Variants in VPS13A observed in about 807,000 individuals in gnomAD.
The protein encoded by VPS13A is vacuolar protein sorting 13 homolog A, also known as intermembrane lipid transfer protein VPS13A.
A neutral mutation model predicts 390.9 loss-of-function variants in VPS13A; 264 were observed. The ratio of observed to expected loss-of-function variants is 0.68; its 90% CI spans 0.61 to 0.75. The LOEUF is 0.75. VPS13A is among the 30% of genes least tolerant of loss of function. The pLI is 0.00. For synonymous variants in VPS13A, 1,231 were observed against 1,227.1 expected (o/e 1.00, Z -0.07); for missense variants, 3,409 against 3,733.9 (o/e 0.91, Z 2.27).
intron 17 of VPS13A, among the ~76,000 whole-genome samples, chr9:77,233,450 G>T (rs187140629): frequency 2.8e-4 from 42 of 152,008 alleles, no homozygotes; most frequent in Admixed American, 2.0e-3. Context: ...TGAGCTTTGG[G>T]TTTAATTTGC....
Position 77,212,951 on chromosome 9 carries a change from G to GT in VPS13A, c.556-10dup, listed in dbSNP as rs767393485. On this transcript the variant is annotated splice_polypyrimidine_tract_variant and intron_variant, in intron 7 of 71. Coordinates refer to ENST00000360280, the MANE Select transcript of VPS13A (RefSeq NM_033305.3). ...ATGGAATGACCTTTTTACTGCCATT[G>GT]TTTTTTTTCCTTTTCAGACAACTGA... 138 of 1,612,252 alleles carry GT rather than the reference G, an allele frequency of 8.6e-5. 1 individual carries two copies. Among genetic ancestry groups the GT allele is most frequent in the Non-Finnish European group, 1.1e-4 (127 of 1,178,916 alleles).
chr9:77,376,132 A>C (rs982910659), intron 67 of VPS13A, among the ~76,000 whole-genome samples: 3 of 152,220 alleles, frequency 2.0e-5, no homozygotes, highest in African/African-American at 7.2e-5. Context: ...TGTCCCAGGC[A>C]GAAGGAACAG....
intron 67 of VPS13A, among the ~76,000 whole-genome samples, chr9:77,379,221 C>T (rs1323212142): frequency 8.0e-5 from 12 of 150,022 alleles, no homozygotes; most frequent in Non-Finnish European, 1.6e-4. Context: ...TACAGGCACA[C>T]ACCACCATAC....
At chr9:77,186,533 G>A (rs548002505) in intron 1 of VPS13A, among the ~76,000 whole-genome samples, 12 of 152,136 alleles carry the variant, frequency 7.9e-5, no homozygotes, top group Admixed American at 6.5e-4. Context: ...TGCCTCCTGG[G>A]TTCAAGCGAT....
At chr9:77,391,477 G>C (rs1043718857) in intron 68 of VPS13A, among the ~76,000 whole-genome samples, 28 of 151,562 alleles carry the variant, frequency 1.8e-4, no homozygotes, top group African/African-American at 6.0e-4. Flanking sequence ...CATGTTTTTT[G>C]GTGTTTTGTT....
chr9:77,337,593 T>A lies in VPS13A; in HGVS notation c.6378+56T>A, dbSNP rs1830605709. On this transcript the variant is annotated intron_variant, in intron 47 of 71. Coordinates refer to ENST00000360280, the MANE Select transcript of VPS13A (RefSeq NM_033305.3). ...TTTTTGATTTTGTAGTTTCAGTTTT[T>A]TAAGATTAAGATCAATAAAAACTAT... 4.6e-6 allele frequency: 7 copies of A among 1,533,088 alleles called. No homozygotes were observed. In the East Asian group the frequency reaches 1.6e-4, roughly 35 times the overall value. 95.0% of individuals were successfully genotyped at this position (1,533,088 alleles called of 1,614,324 possible).
chr9:77,238,602 T>C (rs1210942604), intron 19 of VPS13A, among the ~76,000 whole-genome samples: 2 of 152,168 alleles, frequency 1.3e-5, no homozygotes, highest in Non-Finnish European at 2.9e-5. Flanking sequence ...GTAACCACAT[T>C]TAAGTTAGTT....
intron 23 of VPS13A, among the ~76,000 whole-genome samples, chr9:77,272,338 A>G (rs1306021176): frequency 6.6e-6 from 1 of 152,202 alleles, no homozygotes; most frequent in Non-Finnish European, 1.5e-5. Context: ...AGGTGAACAT[A>G]TATAATTTTA....
intron 33 of VPS13A, among the ~76,000 whole-genome samples, chr9:77,301,213 A>G (rs940487156): frequency 2.0e-5 from 3 of 152,206 alleles, no homozygotes; most frequent in Non-Finnish European, 2.9e-5. Context: ...GATATATAAA[A>G]TACAAGTATT....
chr9:77,366,004 G>A (rs1285437105), intron 60 of VPS13A, among the ~76,000 whole-genome samples: 1 of 152,052 alleles, frequency 6.6e-6, no homozygotes, highest in Non-Finnish European at 1.5e-5. Context: ...CATATATGTA[G>A]AGTATATATG....
intron 23 of VPS13A, among the ~76,000 whole-genome samples, chr9:77,260,576 C>T (rs1318357271): frequency 6.6e-6 from 1 of 151,698 alleles, no homozygotes. Flanking sequence ...AGGATGGTCT[C>T]GGTCTCCTGG....
At chr9:77,220,968 G>C (rs185847945) in intron 12 of VPS13A, among the ~76,000 whole-genome samples, 2 of 152,134 alleles carry the variant, frequency 1.3e-5, no homozygotes, top group East Asian at 1.9e-4. Flanking sequence ...TAACAAAATG[G>C]AGTGATTTTG....
chr9:77,383,742 ATTTATT>A (rs972932436), intron 68 of VPS13A, among the ~76,000 whole-genome samples: 1 of 151,930 alleles, frequency 6.6e-6, no homozygotes, highest in Non-Finnish European at 1.5e-5. Context: ...AAAGATACAT[ATTTATT>A]TTTAATAGGT....
chr9:77,206,533 G>A (rs141211631), intron 5 of VPS13A, among the ~76,000 whole-genome samples: 1 of 151,594 alleles, frequency 6.6e-6, no homozygotes, highest in Non-Finnish European at 1.5e-5. Context: ...TTACCCTCTG[G>A]CTTCACATAT....
chr9:77,253,936 CTTTTTTTTTTT>C (rs1172781069), intron 22 of VPS13A, among the ~76,000 whole-genome samples: 12 of 55,068 alleles, frequency 2.2e-4, no homozygotes, highest in Non-Finnish European at 2.8e-4. Flanking sequence ...GGCCTTTATT[CTTTTTTTTTTT>C]TTTTTTTTTT....
intron 51 of VPS13A, 141 bp from the exon 52 acceptor site, chr9:77,344,868 G>A: frequency 1.2e-6 from 1 of 828,482 alleles, no homozygotes; most frequent in Non-Finnish European, 1.9e-6. Flanking sequence ...TTCCAGAAAT[G>A]CAGTACAAAA....
chr9:77,359,940 A>G (rs1832049257), intron 58 of VPS13A, among the ~76,000 whole-genome samples: 1 of 151,958 alleles, frequency 6.6e-6, no homozygotes, highest in South Asian at 2.1e-4. Context: ...GGGGTTGTCT[A>G]TAATCATATA....
chr9:77,244,009 G>A (rs912670933), intron 19 of VPS13A, among the ~76,000 whole-genome samples: 1 of 152,132 alleles, frequency 6.6e-6, no homozygotes, highest in African/African-American at 2.4e-5. Context: ...TGGCCGAGCG[G>A]GGAGGAACAC....
At position 77,360,527 on chromosome 9, in the gene VPS13A, G is replaced by A. The variant is rs1298877792; in HGVS notation, c.8106-9G>A. On this transcript the variant is annotated splice_polypyrimidine_tract_variant and intron_variant, in intron 58 of 71. Coordinates refer to ENST00000360280, the MANE Select transcript of VPS13A (RefSeq NM_033305.3). ...ATTTTTAAAAAATGTTTTCTACTTT[G>A]TAATACAGGTATTTCAAAGTATTGA... is the stretch of plus-strand genomic sequence containing the variant. The A allele has an allele frequency of 1.9e-6, 3 of 1,589,702 alleles. No homozygotes were observed. Among genetic ancestry groups the A allele is most frequent in the Non-Finnish European group, 1.7e-6 (2 of 1,158,798 alleles).
Sources: gnomAD v4.1 joint callset for allele counts (sites outside exome capture counted in the v4.1 genomes callset) on GRCh38, gnomAD v4.1.1 for gene constraint, MANE v1.5 for transcripts, NCBI Gene and HGNC (gene_info 2026-07-23, HGNC 2026-07-21) for gene names.